SUSD4: variants seen among roughly 807,000 people sequenced by gnomAD.
SUSD4 encodes the protein sushi domain containing 4.
SUSD4 carries 41 observed loss-of-function variants against 50.5 expected under a neutral mutation model. The observed-to-expected ratio is 0.81, with a 90% CI of 0.63 to 1.05. The LOEUF (loss-of-function observed/expected upper bound fraction) is 1.05, where lower values mean the gene tolerates loss of function less well. Among genes scored for constraint, SUSD4 ranks in the 50% least tolerant of loss-of-function variants. The pLI is 0.00. For synonymous variants in SUSD4, 257 were observed against 257.3 expected (o/e 1.00, Z 0.01); for missense variants, 580 against 634.7 (o/e 0.91, Z 0.93).
intron 4 of SUSD4, among the ~76,000 whole-genome samples, chr1:223,265,214 G>A (rs544354466): frequency 2.6e-5 from 4 of 152,312 alleles, no homozygotes; most frequent in Non-Finnish European, 4.4e-5. Flanking sequence ...AATCACCGAG[G>A]TGCTGTAAGA....
At chr1:223,331,541 C>T (rs1667173734) in intron 2 of SUSD4, among the ~76,000 whole-genome samples, 1 of 152,208 alleles carries the variant, frequency 6.6e-6, no homozygotes, top group Non-Finnish European at 1.5e-5. Context: ...GCCTGGCAAT[C>T]ACAGTCTTTC....
chr1:223,264,495 T>C, intron 5 of SUSD4, 135 bp downstream of exon 5: 1 of 1,428,504 alleles, frequency 7.0e-7, no homozygotes. Context: ...ATCTCTGCTC[T>C]GGAGAAAAGT....
chr1:223,261,834 C>T (rs1218985147), intron 5 of SUSD4, among the ~76,000 whole-genome samples: 1 of 152,186 alleles, frequency 6.6e-6, no homozygotes, highest in African/African-American at 2.4e-5. Context: ...TGATTGACCA[C>T]ATACTATGGG....
intron 3 of SUSD4, 38 bp downstream of exon 3, chr1:223,292,401 C>G: frequency 1.2e-6 from 2 of 1,612,648 alleles, no homozygotes; most frequent in Non-Finnish European, 1.7e-6. Flanking sequence ...GCAACTTGAA[C>G]CACATGAGTG....
intron 2 of SUSD4, among the ~76,000 whole-genome samples, chr1:223,306,671 T>C: frequency 6.6e-6 from 1 of 152,170 alleles, no homozygotes; most frequent in Non-Finnish European, 1.5e-5. Context: ...TTTTATGTTT[T>C]TGGTAGAGAC....
chr1:223,281,857 A>G (rs182966382), intron 3 of SUSD4, among the ~76,000 whole-genome samples: 1 of 152,168 alleles, frequency 6.6e-6, no homozygotes. Context: ...CTGGCAAACC[A>G]AATCCAGCAG....
At position 223,224,862 on chromosome 1, in the gene SUSD4, C is replaced by CTTCTTTTTTTTTTTTTTT. The variant is rs1239409764; in HGVS notation, c.1062-1232_1062-1231insAAAAAAAAAAAAAAAGAA. On this transcript the variant is annotated intron_variant, in intron 7 of 8. Coordinates refer to ENST00000366878, the MANE Select transcript of SUSD4 (RefSeq NM_017982.4). ...GTAGCCAATAGAACTTGGTTTCTTCCTTTTTTTTTTTTTTTTTTTTTTTTT... is the reference window on the plus strand; with the variant it reads ...GTAGCCAATAGAACTTGGTTTCTTCCTTCTTTTTTTTTTTTTTTTTTTTTTTTTTTTTTTTTTTTTTTT... 1.3e-4 allele frequency among the ~76,000 whole-genome samples: 8 copies of CTTCTTTTTTTTTTTTTTT among 59,288 alleles called. 3 individuals carry two copies. The highest frequency in any genetic ancestry group is 5.0e-4 in the African/African-American group (7 of 13,922). The allele number at this position is 59,288 out of a possible 152,430, so 38.9% of individuals were successfully genotyped here.
chr1:223,272,281 A>G (rs1210481464), intron 3 of SUSD4, among the ~76,000 whole-genome samples: 2 of 152,244 alleles, frequency 1.3e-5, no homozygotes, highest in African/African-American at 2.4e-5. Flanking sequence ...TAAATAGGCC[A>G]TTCAGGGTGT....
intron 5 of SUSD4, chr1:223,263,621 C>A (rs1662274705): frequency 4.1e-6 from 4 of 985,212 alleles, no homozygotes; most frequent in African/African-American, 1.7e-5. Flanking sequence ...CTCCTTCCCC[C>A]ATCCTTCTCC....
Position 223,221,986 on chromosome 1 carries a change from G to C in SUSD4, c.*206C>G. The C allele has an allele frequency of 1.8e-6, 1 of 553,054 alleles. No individual in the cohort carries two copies. Among genetic ancestry groups the C allele is most frequent in the Non-Finnish European group, 3.2e-6 (1 of 316,564 alleles). 34.3% of individuals were successfully genotyped at this position (553,054 alleles called of 1,614,324 possible). On this transcript the variant is annotated 3_prime_UTR_variant, in exon 9 of 9. Transcript: ENST00000366878. Reference sequence around the variant, plus strand: ...GCTGCCCCGGTTCCCCATGGGTCTTGGTGAATCCTCAAATCTCATTTAAAA... The same window carrying C: ...GCTGCCCCGGTTCCCCATGGGTCTTCGTGAATCCTCAAATCTCATTTAAAA...
intron 2 of SUSD4, among the ~76,000 whole-genome samples, chr1:223,362,540 C>T (rs1363267544): frequency 6.6e-6 from 1 of 152,128 alleles, no homozygotes; most frequent in African/African-American, 2.4e-5. Flanking sequence ...TACCCCTCCC[C>T]CAGAACCAAA....
chr1:223,222,217 A>T lies in SUSD4; in HGVS notation c.1448T>A (p.Ile483Asn). ...TTAGGGATCTTCTTCCATTAGAGGA[A>T]TCTCTGTAAAAGAAGAGACGGTTAT... ...TSPGIDIADE[I>N]PLMEEDP The change falls in exon 9 of 9, where the codon ATT becomes AAT. Residue 483 changes from isoleucine (I) to asparagine (N), a missense_variant. Physicochemically the swap from Ile to Asn is moderately radical, Grantham distance 149. Transcript: ENST00000366878. The T allele has an allele frequency of 6.2e-7, 1 of 1,613,770 alleles. No homozygotes were observed. The highest frequency in any genetic ancestry group is 8.5e-7 in the Non-Finnish European group (1 of 1,179,846).
Position 223,223,601 on chromosome 1 carries a change from A to G in SUSD4, c.1092T>C (p.Pro364=). Residue 364 remains proline, a synonymous_variant, in exon 8 of 9, where the codon CCT becomes CCC. Coordinates refer to ENST00000366878, the MANE Select transcript of SUSD4 (RefSeq NM_017982.4). ...GCACGCCGTCTACCACCACAAAGTC[A>G]GGGTCACTGCTGGAACTCCGGGGAG... ...RGPPRSSSSD[P]DFVVVDGVPV... 1 of 1,611,428 alleles carries G rather than the reference A, an allele frequency of 6.2e-7. No individual in the cohort carries two copies. Among genetic ancestry groups the G allele is most frequent in the Non-Finnish European group, 8.5e-7 (1 of 1,178,514 alleles).
At chr1:223,353,255 G>T (rs1668465574) in intron 2 of SUSD4, among the ~76,000 whole-genome samples, 1 of 152,134 alleles carries the variant, frequency 6.6e-6, no homozygotes, top group Non-Finnish European at 1.5e-5. Context: ...CGGGGGTCAG[G>T]ACCTGCACGT....
At chr1:223,238,952 T>C (rs867644115) in intron 5 of SUSD4, among the ~76,000 whole-genome samples, 1 of 152,034 alleles carries the variant, frequency 6.6e-6, no homozygotes, top group Non-Finnish European at 1.5e-5. Flanking sequence ...TCTATAATAG[T>C]GGATTTATCT....
intron 3 of SUSD4, among the ~76,000 whole-genome samples, chr1:223,288,297 C>T (rs757335586): frequency 2.0e-5 from 3 of 152,242 alleles, no homozygotes; most frequent in African/African-American, 4.8e-5. Flanking sequence ...CCATGTATGC[C>T]GTACTTTGCT....
intron 5 of SUSD4, among the ~76,000 whole-genome samples, chr1:223,258,044 C>T (rs1464523530): frequency 6.6e-6 from 1 of 152,202 alleles, no homozygotes; most frequent in African/African-American, 2.4e-5. Context: ...CCTCCAGGAT[C>T]AGGGTAGACT....
At chr1:223,292,740 T>C in intron 2 of SUSD4, 89 bp from the exon 3 acceptor site, 2 of 1,385,630 alleles carry the variant, frequency 1.4e-6, no homozygotes, top group South Asian at 1.3e-5. Context: ...CCCTGCATGA[T>C]GTCATACGCC....
chr1:223,317,508 G>A (rs1449493867), intron 2 of SUSD4, among the ~76,000 whole-genome samples: 2 of 152,068 alleles, frequency 1.3e-5, no homozygotes, highest in Non-Finnish European at 2.9e-5. Flanking sequence ...CTCTTTTGGG[G>A]TCCGGATTGG....
Sources: allele counts gnomAD v4.1 joint callset (sites outside exome capture counted in the v4.1 genomes callset), GRCh38; gene constraint gnomAD v4.1.1; transcripts MANE v1.5; gene names NCBI Gene and HGNC (gene_info 2026-07-23, HGNC 2026-07-21).